The following PHF12 variants were observed in gnomAD, a reference collection of about 807,000 sequenced individuals.
PHF12 encodes PHD finger protein 12.
Under a neutral mutation model 99.8 loss-of-function variants are expected in PHF12, and 6 were observed. The ratio of observed to expected loss-of-function variants is 0.06; its 90% CI spans 0.03 to 0.12. The LOEUF is 0.12. Ranked by LOEUF, PHF12 falls within the 10% of genes least tolerant of loss-of-function variation. The pLI is 1.00. For synonymous variants in PHF12, 480 were observed against 514.9 expected (o/e 0.93, Z 0.92); for missense variants, 954 against 1,300.1 (o/e 0.73, Z 4.09).
rs1267388193 is a variant in PHF12, at chr17:28,921,680, G to T, written c.836+8C>A. 3.1e-6 allele frequency: 5 copies of T among 1,613,730 alleles called. No individual in the cohort carries two copies. The highest frequency in any genetic ancestry group is 3.4e-6 in the Non-Finnish European group (4 of 1,179,740). ...TGAGAAAGAGCCCCTTAGTATGAAA[G>T]AAAATACCTGTTACACGTGAAGCAG... On this transcript the variant is annotated splice_region_variant and intron_variant, in intron 5 of 14. Coordinates refer to ENST00000332830, the MANE Select transcript of PHF12 (RefSeq NM_001033561.2).
chr17:28,950,352 CCTT>C lies in PHF12; in HGVS notation c.67-109_67-107del, dbSNP rs745972584. The C allele has an allele frequency of 2.4e-6, 3 of 1,246,794 alleles. No individual in the cohort carries two copies. The highest frequency in any genetic ancestry group is 5.1e-5 in the Admixed American group (2 of 39,458). 77.2% of individuals were successfully genotyped at this position (1,246,794 alleles called of 1,614,324 possible). A position where few individuals can be genotyped will look rare whatever the true frequency, so the allele number is the denominator to read the frequency against. ...CACCCACCCCTCTCCCCCCTTTTGT[CCTT>C]CTTCCTCCCATCCAGGCTGCTCCCA... On this transcript the variant is annotated intron_variant, in intron 1 of 14. Transcript: ENST00000332830. The surrounding 1 kb of genome is among the most constrained non-coding windows in gnomAD (Gnocchi z 5.7).
At chr17:28,938,048 T>C (rs554278457) in intron 2 of PHF12, among the ~76,000 whole-genome samples, 4 of 152,290 alleles carry the variant, frequency 2.6e-5, no homozygotes, top group East Asian at 1.9e-4. Flanking sequence ...TACTATTCTA[T>C]TGCCAAATTT....
Position 28,950,444 on chromosome 17 carries a change from G to A in PHF12, c.67-198C>T. ...AACCGCGTTCCTGCAGCACAACAAC[G>A]AGAACAGCTTCTTCCAAATGGGGAG... On this transcript the variant is annotated intron_variant, in intron 1 of 14. Transcript: ENST00000332830. The surrounding 1 kb of genome is among the most constrained non-coding windows in gnomAD (Gnocchi z 5.7). 1.6e-6 allele frequency: 1 copy of A among 611,482 alleles called. No individual in the cohort carries two copies. The allele number at this position is 611,482 out of a possible 1,614,324, so 37.9% of individuals were successfully genotyped here. A position where few individuals can be genotyped will look rare whatever the true frequency, so the allele number is the denominator to read the frequency against.
Position 28,906,126 on chromosome 17 carries a change from T to C in PHF12, c.*57A>G. 3 of 1,506,588 alleles carry C rather than the reference T, an allele frequency of 2.0e-6. No homozygotes were observed. The highest frequency in any genetic ancestry group is 2.7e-6 in the Non-Finnish European group (3 of 1,120,780). The allele number at this position is 1,506,588 out of a possible 1,614,324, so 93.3% of individuals were successfully genotyped here. A position where few individuals can be genotyped will look rare whatever the true frequency, so the allele number is the denominator to read the frequency against. ...ACCCGGGCTTGGTTTGTGTACATTT[T>C]TGCATTGCAGGAGTCTTGGGTGGGT... On this transcript the variant is annotated 3_prime_UTR_variant, in exon 15 of 15. Coordinates refer to ENST00000332830, the MANE Select transcript of PHF12 (RefSeq NM_001033561.2). This position sits in a 1 kb window ranked among gnomAD's most constrained non-coding sequence, Gnocchi z 4.2.
At chr17:28,932,194 C>T (rs1040152481) in intron 2 of PHF12, among the ~76,000 whole-genome samples, 13 of 151,876 alleles carry the variant, frequency 8.6e-5, no homozygotes, top group African/African-American at 3.1e-4. Flanking sequence ...TGCAGTGGGG[C>T]AATCTTGGCT....
intron 3 of PHF12, chr17:28,925,512 G>A (rs2040255529): frequency 1.3e-5 from 2 of 152,298 alleles, no homozygotes; most frequent in African/African-American, 4.8e-5. Context: ...GGCAGACTTG[G>A]CACTGGTAGG....
At chr17:28,926,418 C>A in intron 3 of PHF12, 1 of 233,650 alleles carries the variant, frequency 4.3e-6, no homozygotes, top group Non-Finnish European at 8.7e-6. Flanking sequence ...GCAAGCACAC[C>A]TACTTCCTTT....
At chr17:28,928,773 T>C (rs1285520552) in intron 2 of PHF12, among the ~76,000 whole-genome samples, 4 of 150,190 alleles carry the variant, frequency 2.7e-5, no homozygotes, top group Non-Finnish European at 4.4e-5. Flanking sequence ...CAAAACTCCA[T>C]CTCAAAACAA....
At chr17:28,919,113 T>C (rs2040111713) in intron 6 of PHF12, 30 bp downstream of exon 6, 2 of 1,601,378 alleles carry the variant, frequency 1.2e-6, no homozygotes, top group Non-Finnish European at 1.7e-6. Context: ...CTATGCCCAT[T>C]GAGGACTGAA....
chr17:28,910,013 C>G (rs779309940), intron 11 of PHF12: 1 of 727,648 alleles, frequency 1.4e-6, no homozygotes, highest in Admixed American at 2.1e-5. Flanking sequence ...AAGAAAGTTA[C>G]AGCAGACTTC....
intron 11 of PHF12, chr17:28,909,696 T>A: frequency 9.5e-6 from 2 of 210,402 alleles, no homozygotes; most frequent in Non-Finnish European, 1.9e-5. Context: ...ACTCAAGCGA[T>A]CCTCCCATCT....
Position 28,950,777 on chromosome 17 carries a change from G to A in PHF12, c.66+118C>T. 1 of 1,431,422 alleles carries A rather than the reference G, an allele frequency of 7.0e-7. No individual in the cohort carries two copies. The highest frequency in any genetic ancestry group is 9.4e-7 in the Non-Finnish European group (1 of 1,063,454). 88.7% of individuals were successfully genotyped at this position (1,431,422 alleles called of 1,614,324 possible). A position where few individuals can be genotyped will look rare whatever the true frequency, so the allele number is the denominator to read the frequency against. On this transcript the variant is annotated intron_variant, in intron 1 of 14. Transcript: ENST00000332830. This position sits in a 1 kb window ranked among gnomAD's most constrained non-coding sequence, Gnocchi z 5.7. ...AGAGGGGAGGGAGAGGCTAGGTGAG[G>A]AAGAATCCCCCTCCCTCGGCCATCT...
chr17:28,917,303 G>T lies in PHF12; in HGVS notation c.1116C>A (p.Val372=). The T allele has an allele frequency of 6.2e-7, 1 of 1,613,780 alleles. No homozygotes were observed. Among genetic ancestry groups the T allele is most frequent in the South Asian group, 1.1e-5 (1 of 91,018 alleles). The part of the protein sequence containing the change: ...HPPNRRVLQS[V]KRRSLKVPDA... ...GACTCACCTTCAAGCTTCTTCTTTT[G>T]ACCGACTGGAGCACACGCCGGTTAG... is the stretch of plus-strand genomic sequence containing the variant. Residue 372 remains valine (V), a synonymous_variant, in exon 7 of 15, where the codon GTC becomes GTA. Coordinates refer to ENST00000332830, the MANE Select transcript of PHF12 (RefSeq NM_001033561.2).
chr17:28,917,270 C>A lies in PHF12; in HGVS notation c.1134+15G>T, dbSNP rs763130715. 1.2e-6 allele frequency: 2 copies of A among 1,613,042 alleles called. No individual in the cohort carries two copies. Among genetic ancestry groups the A allele is most frequent in the East Asian group, 4.5e-5 (2 of 44,880 alleles). On this transcript the variant is annotated intron_variant, in intron 7 of 14. Transcript: ENST00000332830. ...AGGCAGACTACCATCTTGCCTGCACCTGATTGTGACTCACCTTCAAGCTTC... is the reference window on the plus strand; with the variant it reads ...AGGCAGACTACCATCTTGCCTGCACATGATTGTGACTCACCTTCAAGCTTC...
intron 5 of PHF12, among the ~76,000 whole-genome samples, chr17:28,920,927 G>A (rs1042435958): frequency 1.3e-5 from 2 of 152,000 alleles, no homozygotes; most frequent in African/African-American, 2.4e-5. Flanking sequence ...AGGCTGGAGT[G>A]CAGTGGCGCG....
intron 2 of PHF12, among the ~76,000 whole-genome samples, chr17:28,928,515 TC>T (rs1330747833): frequency 6.6e-6 from 1 of 152,104 alleles, no homozygotes; most frequent in Non-Finnish European, 1.5e-5. Context: ...TTGGATCTCT[TC>T]CCTCCTTGTA....
chr17:28,938,317 G>A lies in PHF12; in HGVS notation c.249-11254C>T, dbSNP rs576660096. ...ACCATCTCAGCTCACTGCAACCTCC[G>A]CCTCCCGGTTCAACTGATTCTCCTG... is the stretch of plus-strand genomic sequence containing the variant. On this transcript the variant is annotated intron_variant, in intron 2 of 14. Coordinates refer to ENST00000332830, the MANE Select transcript of PHF12 (RefSeq NM_001033561.2). Among the ~76,000 whole-genome samples, 33 of 152,204 alleles carry A rather than the reference G, an allele frequency of 2.2e-4. No homozygotes were observed. In the South Asian group the frequency reaches 5.0e-3, roughly 23 times the overall value.
intron 2 of PHF12, chr17:28,945,300 T>C (rs1367654079): frequency 6.6e-6 from 1 of 152,210 alleles, no homozygotes; most frequent in Non-Finnish European, 1.5e-5. Flanking sequence ...TTCTATTCTA[T>C]GTGTGAAACC....
Position 28,906,812 on chromosome 17 carries a change from C to A in PHF12, c.2680+44G>T. 6.4e-7 allele frequency: 1 copy of A among 1,560,234 alleles called. No individual in the cohort carries two copies. The highest frequency in any genetic ancestry group is 8.7e-7 in the Non-Finnish European group (1 of 1,150,570). On this transcript the variant is annotated intron_variant, in intron 14 of 14. Transcript: ENST00000332830. The surrounding 1 kb of genome is among the most constrained non-coding windows in gnomAD (Gnocchi z 4.2). ...GGGCAGCAAGTCAGAACCACCCTGA[C>A]TGGGGCCTCAGCTTTGTGGCCACAG... is the stretch of plus-strand genomic sequence containing the variant.
Sources: allele counts gnomAD v4.1 joint callset (sites outside exome capture counted in the v4.1 genomes callset), GRCh38; gene constraint gnomAD v4.1.1; non-coding constraint Gnocchi (gnomAD v3.1); transcripts MANE v1.5; gene names NCBI Gene and HGNC (gene_info 2026-07-23, HGNC 2026-07-21).